Variants in MAP3K20 observed in about 807,000 individuals in gnomAD.
MAP3K20 encodes the protein mitogen-activated protein kinase kinase kinase 20.
In MAP3K20, 40 loss-of-function variants were observed where a neutral mutation model predicts 85.7. That is an observed-to-expected ratio of 0.47 (90% CI 0.36 to 0.61). The LOEUF (loss-of-function observed/expected upper bound fraction) is 0.61, where lower values mean the gene tolerates loss of function less well. Ranked by LOEUF, MAP3K20 falls within the 20% of genes least tolerant of loss-of-function variation. The pLI is 0.00. For missense variants in MAP3K20, 817 were observed against 961.7 expected, an observed-to-expected ratio of 0.85 and a Z score of 1.99; for synonymous variants, 325 against 327.7, an observed-to-expected ratio of 0.99 and a Z score of 0.09.
chr2:173,188,018 A>G (rs930129385), intron 5 of MAP3K20, among the ~76,000 whole-genome samples: 22 of 152,210 alleles, frequency 1.4e-4, no homozygotes, highest in African/African-American at 5.1e-4. Flanking sequence ...GGCTTTGTGC[A>G]CTATCAATTT....
intron 3 of MAP3K20, among the ~76,000 whole-genome samples, chr2:173,174,109 A>C (rs1354546763): frequency 1.3e-5 from 2 of 152,242 alleles, no homozygotes; most frequent in African/African-American, 4.8e-5. Context: ...TAGTTTAGCT[A>C]TCCACGTACC....
chr2:173,140,499 C>T (rs1407108215), intron 2 of MAP3K20, among the ~76,000 whole-genome samples: 1 of 152,128 alleles, frequency 6.6e-6, no homozygotes, highest in East Asian at 1.9e-4. Flanking sequence ...TAGAGGCATG[C>T]ACCACCACAC....
intron 1 of MAP3K20, among the ~76,000 whole-genome samples, chr2:173,082,726 T>C (rs1687045398): frequency 6.6e-6 from 1 of 152,232 alleles, no homozygotes; most frequent in Non-Finnish European, 1.5e-5. Context: ...TTTATTCAAC[T>C]CTGGCCCCAT....
intron 18 of MAP3K20, among the ~76,000 whole-genome samples, chr2:173,261,574 TAGTGTGCA>T (rs1685295623): frequency 6.6e-6 from 1 of 152,158 alleles, no homozygotes; most frequent in Admixed American, 6.5e-5. Context: ...CTGGAAATAT[TAGTGTGCA>T]CCCACCATCA....
Position 173,221,230 on chromosome 2 carries a change from G to A in MAP3K20, c.987+3980G>A, listed in dbSNP as rs770659032. On this transcript the variant is annotated intron_variant, in intron 11 of 19. Coordinates refer to ENST00000375213, the MANE Select transcript of MAP3K20 (RefSeq NM_016653.3). ...CAGAGGAGTCAAACAGTGCAGAGAT[G>A]TCATGTCAGATCACAGCAACAAGTA... is the stretch of plus-strand genomic sequence containing the variant. 1.9e-6 allele frequency: 3 copies of A among 1,613,498 alleles called. No individual in the cohort carries two copies. In the African/African-American group the frequency reaches 4.0e-5, roughly 22 times the overall value.
intron 3 of MAP3K20, among the ~76,000 whole-genome samples, chr2:173,171,720 A>G (rs1690005416): frequency 6.6e-6 from 1 of 152,136 alleles, no homozygotes; most frequent in Admixed American, 6.5e-5. Flanking sequence ...CACCTACCCA[A>G]ATTCTTCAGT....
At chr2:173,244,915 G>A (rs931844741) in intron 16 of MAP3K20, among the ~76,000 whole-genome samples, 2 of 152,210 alleles carry the variant, frequency 1.3e-5, no homozygotes, top group African/African-American at 4.8e-5. Flanking sequence ...CTCCATGACC[G>A]GAATAAGCTT....
At chr2:173,147,780 T>C (rs1228791299) in intron 2 of MAP3K20, among the ~76,000 whole-genome samples, 1 of 152,044 alleles carries the variant, frequency 6.6e-6, no homozygotes, top group Non-Finnish European at 1.5e-5. Context: ...AGAGACAGGG[T>C]TTCACCATGT....
In MAP3K20 at chr2:173,129,939, C is replaced by T. The variant is rs370968284; in HGVS notation, c.159+38749C>T. On this transcript the variant is annotated intron_variant, in intron 2 of 19. Transcript: ENST00000375213. Reference sequence around the variant, plus strand: ...CTGTTGATAAAGATAAAAATGAATGCAGATACTCACTATTAGTAAGGACTT... The same window carrying T: ...CTGTTGATAAAGATAAAAATGAATGTAGATACTCACTATTAGTAAGGACTT... Among the ~76,000 whole-genome samples the T allele has an allele frequency of 2.6e-5, 4 of 152,224 alleles. No individual in the cohort carries two copies. In the South Asian group the frequency reaches 8.3e-4, roughly 32 times the overall value.
At chr2:173,159,449 G>C (rs763411786) in intron 2 of MAP3K20, among the ~76,000 whole-genome samples, 1 of 148,816 alleles carries the variant, frequency 6.7e-6, no homozygotes, top group Non-Finnish European at 1.5e-5. Flanking sequence ...GAGTGCAGTG[G>C]CACGGTCTCA....
At chr2:173,159,012 G>T (rs1689561954) in intron 2 of MAP3K20, among the ~76,000 whole-genome samples, 1 of 152,166 alleles carries the variant, frequency 6.6e-6, no homozygotes, top group Admixed American at 6.5e-5. Context: ...AGCATGAAGG[G>T]ATCTGAATGA....
intron 2 of MAP3K20, among the ~76,000 whole-genome samples, chr2:173,143,140 G>A (rs1043246798): frequency 2.6e-5 from 4 of 152,120 alleles, no homozygotes; most frequent in Non-Finnish European, 4.4e-5. Flanking sequence ...AACATGAAAT[G>A]GGAAAAGAGG....
At chr2:173,205,609 GA>G (rs1445629428) in intron 9 of MAP3K20, among the ~76,000 whole-genome samples, 1 of 152,168 alleles carries the variant, frequency 6.6e-6, no homozygotes, top group African/African-American at 2.4e-5. Context: ...TAACTTGGAA[GA>G]ATTTGTTGCT....
chr2:173,223,650 C>T (rs1289876213), intron 11 of MAP3K20: 4 of 985,210 alleles, frequency 4.1e-6, no homozygotes, highest in African/African-American at 3.5e-5. Flanking sequence ...GAGCCCTGGC[C>T]AGCTTAACCT....
intron 7 of MAP3K20, 29 bp from the exon 8 acceptor site, chr2:173,197,997 A>G: frequency 6.3e-7 from 1 of 1,595,772 alleles, no homozygotes; most frequent in Non-Finnish European, 8.6e-7. Context: ...AAGTACAAAA[A>G]TAAAAATTCC....
chr2:173,250,260 T>A (rs577838094), intron 16 of MAP3K20, among the ~76,000 whole-genome samples: 3 of 152,234 alleles, frequency 2.0e-5, no homozygotes, highest in Admixed American at 2.0e-4. Flanking sequence ...TTTCAGCTGT[T>A]CATTGTGCCA....
intron 16 of MAP3K20, among the ~76,000 whole-genome samples, chr2:173,249,643 G>A (rs941277152): frequency 1.3e-5 from 2 of 152,178 alleles, no homozygotes; most frequent in African/African-American, 4.8e-5. Context: ...TTAAAGCAGT[G>A]CTTAGGCAAG....
chr2:173,258,855 A>G, intron 17 of MAP3K20, 40 bp downstream of exon 17: 1 of 1,276,112 alleles, frequency 7.8e-7, no homozygotes, highest in Middle Eastern at 1.9e-4. Flanking sequence ...TTTTGAATTC[A>G]CAGATATCAA....
intron 2 of MAP3K20, among the ~76,000 whole-genome samples, chr2:173,144,231 A>G (rs1430352812): frequency 6.6e-6 from 1 of 152,118 alleles, no homozygotes; most frequent in South Asian, 2.1e-4. Flanking sequence ...TGGGAGGCCA[A>G]GGTGGGCAGA....
Sources: allele counts gnomAD v4.1 joint callset (sites outside exome capture counted in the v4.1 genomes callset), GRCh38; gene constraint gnomAD v4.1.1; transcripts MANE v1.5; gene names NCBI Gene and HGNC (gene_info 2026-07-23, HGNC 2026-07-21).